Variants in NFIB observed in about 807,000 individuals in gnomAD.
The protein encoded by NFIB is nuclear factor 1 B-type.
Under a neutral mutation model 61.5 loss-of-function variants are expected in NFIB, and 11 were observed. The observed-to-expected ratio is 0.18, with a 90% CI of 0.11 to 0.30. The LOEUF (loss-of-function observed/expected upper bound fraction) is 0.30. NFIB is among the 10% of genes least tolerant of loss of function. The probability of loss-of-function intolerance (pLI) is 1.00; values close to 1 mark genes in which losing one functional copy is unlikely to be tolerated. For synonymous variants in NFIB, 260 were observed against 216.5 expected, an observed-to-expected ratio of 1.20 and a Z score of -1.76; for missense variants, 471 against 608.9, an observed-to-expected ratio of 0.77 and a Z score of 2.38.
chr9:14,435,694 G>T, the NFIB span, among the ~76,000 whole-genome samples: 2 of 152,080 alleles, frequency 1.3e-5, no homozygotes, highest in African/African-American at 4.8e-5. Context: ...ATAAATAGAG[G>T]TCACTCTAAA....
chr9:14,510,140 C>G, the NFIB span, among the ~76,000 whole-genome samples: 1 of 152,200 alleles, frequency 6.6e-6, no homozygotes, highest in Admixed American at 6.5e-5. Context: ...AAGTGATCTG[C>G]CTGCCTTGGC....
chr9:14,501,901 T>C, the NFIB span, among the ~76,000 whole-genome samples: 1 of 152,184 alleles, frequency 6.6e-6, no homozygotes, highest in Admixed American at 6.5e-5. Context: ...GGAAGAATTA[T>C]TACAGAACAG....
In NFIB at chr9:14,082,217, AAAATTT is replaced by A; in HGVS notation, c.*6086_*6091del. On this transcript the variant is annotated 3_prime_UTR_variant, in exon 11 of 11. Transcript: ENST00000380953. The stretch of plus-strand genomic sequence containing the variant: ...TTGTGCATGTGCCTCCTTTTGTAAA[AAAATTT>A]AATTAAAATACAAGGTTCTGTATTT... 4.9e-6 allele frequency: 1 copy of A among 204,410 alleles called. No individual in the cohort carries two copies. Among genetic ancestry groups the A allele is most frequent in the East Asian group, 7.5e-5 (1 of 13,326 alleles). 12.7% of individuals were successfully genotyped at this position (204,410 alleles called of 1,614,324 possible).
In NFIB at chr9:14,257,948, C is replaced by T. The variant is rs567657405; in HGVS notation, c.562+49041G>A. 3.3e-5 allele frequency among the ~76,000 whole-genome samples: 5 copies of T among 152,126 alleles called. No individual in the cohort carries two copies. In the East Asian group the frequency reaches 9.7e-4, roughly 29 times the overall value. On this transcript the variant is annotated intron_variant, in intron 2 of 10. Coordinates refer to ENST00000380953, the MANE Select transcript of NFIB (RefSeq NM_001190737.2). ...AAGCATCATATCAGTATCTCAGTAT[C>T]TCCTATAAATAGATTTTGTTTAAAT...
the NFIB span, among the ~76,000 whole-genome samples, chr9:14,480,822 G>A: frequency 0.32 from 48,797 of 151,968 alleles, 8,637 homozygotes; most frequent in African/African-American, 0.47. Context: ...AGACATCCTG[G>A]TGCCTTTAAC....
At chr9:14,138,951 G>C (rs538864470) in intron 6 of NFIB, among the ~76,000 whole-genome samples, 1 of 151,982 alleles carries the variant, frequency 6.6e-6, no homozygotes, top group African/African-American at 2.4e-5. Context: ...ATTTTGTTTT[G>C]AGAATTCTTT....
At chr9:14,386,392 G>C (rs2061549070) in intron 1 of NFIB, among the ~76,000 whole-genome samples, 1 of 152,142 alleles carries the variant, frequency 6.6e-6, no homozygotes, top group Non-Finnish European at 1.5e-5. Context: ...CCTAGCAAAA[G>C]TCCAACTTCG....
intron 3 of NFIB, among the ~76,000 whole-genome samples, chr9:14,177,279 T>G (rs2046295245): frequency 6.6e-6 from 1 of 152,190 alleles, no homozygotes; most frequent in Non-Finnish European, 1.5e-5. Context: ...CCAAATATGC[T>G]TATACTTAAA....
chr9:14,257,320 C>T (rs1398430205), intron 2 of NFIB, among the ~76,000 whole-genome samples: 1 of 152,192 alleles, frequency 6.6e-6, no homozygotes, highest in African/African-American at 2.4e-5. Context: ...CTGAAAAAAA[C>T]TGTGAAACAC....
rs1691968423 is a variant in NFIB, at chr9:14,086,334, C to A, written c.*1975G>T. 4.5e-6 allele frequency: 1 copy of A among 219,982 alleles called. No homozygotes were observed. The highest frequency in any genetic ancestry group is 2.2e-5 in the African/African-American group (1 of 44,446). 13.6% of individuals were successfully genotyped at this position (219,982 alleles called of 1,614,324 possible). ...TCATCACACTGCAAAAATAGCAGTA[C>A]CCACTTTGGTCAATTAAAACAAACA... On this transcript the variant is annotated 3_prime_UTR_variant, in exon 11 of 11. Coordinates refer to ENST00000380953, the MANE Select transcript of NFIB (RefSeq NM_001190737.2).
the NFIB span, among the ~76,000 whole-genome samples, chr9:14,530,735 T>C: frequency 6.6e-6 from 1 of 152,140 alleles, no homozygotes; most frequent in Non-Finnish European, 1.5e-5. Context: ...CCGGGCACAG[T>C]GGATGAGCTG....
intron 1 of NFIB, among the ~76,000 whole-genome samples, chr9:14,373,358 G>T (rs139763440): frequency 6.6e-6 from 1 of 152,182 alleles, no homozygotes; most frequent in Non-Finnish European, 1.5e-5. Flanking sequence ...CCCATTGCCA[G>T]CAGTGTCTGC....
intron 2 of NFIB, among the ~76,000 whole-genome samples, chr9:14,208,241 A>G (rs1177421589): frequency 6.6e-6 from 1 of 152,214 alleles, no homozygotes; most frequent in Non-Finnish European, 1.5e-5. Context: ...GTGGTGTTAA[A>G]AAAAAGACTA....
intron 2 of NFIB, among the ~76,000 whole-genome samples, chr9:14,187,939 CCAA>C (rs2047558391): frequency 6.6e-6 from 1 of 152,120 alleles, no homozygotes; most frequent in South Asian, 2.1e-4. Context: ...TTAAGTAGTA[CCAA>C]CCCACCCCCC....
At chr9:14,361,341 T>A (rs1379007120) in intron 1 of NFIB, 1 of 151,882 alleles carries the variant, frequency 6.6e-6, no homozygotes, top group Non-Finnish European at 1.5e-5. Context: ...GTCACTGGCA[T>A]CAGTAAACTA....
chr9:14,453,125 G>A, the NFIB span, among the ~76,000 whole-genome samples: 17 of 152,270 alleles, frequency 1.1e-4, no homozygotes, highest in East Asian at 3.3e-3. Context: ...CTTGTTCAGG[G>A]TATCTTTTGT....
intron 2 of NFIB, among the ~76,000 whole-genome samples, chr9:14,252,423 T>C (rs1458631469): frequency 6.6e-6 from 1 of 152,206 alleles, no homozygotes; most frequent in Non-Finnish European, 1.5e-5. Context: ...ATTATATTTA[T>C]AGTTTTTCAT....
chr9:14,309,573 T>A (rs12554312), intron 1 of NFIB, among the ~76,000 whole-genome samples: 1 of 152,192 alleles, frequency 6.6e-6, no homozygotes, highest in African/African-American at 2.4e-5. Context: ...AACTAGGCCA[T>A]GGAAAGAGTT....
chr9:14,414,239 C>CAT, the NFIB span, among the ~76,000 whole-genome samples: 1 of 151,414 alleles, frequency 6.6e-6, no homozygotes, highest in Non-Finnish European at 1.5e-5. Context: ...AGATTGAGAC[C>CAT]CCATGGCCAA....
Sources: gnomAD v4.1 joint callset for allele counts (sites outside exome capture counted in the v4.1 genomes callset) on GRCh38, gnomAD v4.1.1 for gene constraint, MANE v1.5 for transcripts, NCBI Gene and HGNC (gene_info 2026-07-23, HGNC 2026-07-21) for gene names.